VSNL1: variants seen among roughly 807,000 people sequenced by gnomAD.
The protein encoded by VSNL1 is visinin-like protein 1.
In VSNL1, 6 loss-of-function variants were observed where a neutral mutation model predicts 20.4. The observed-to-expected ratio is 0.29, with a 90% confidence interval of 0.16 to 0.58. The LOEUF (loss-of-function observed/expected upper bound fraction) is 0.58, where lower values mean the gene tolerates loss of function less well. Among genes scored for constraint, VSNL1 ranks in the 20% least tolerant of loss-of-function variants. The pLI is 0.90. For synonymous variants in VSNL1, 93 were observed against 86.4 expected (o/e 1.08, Z -0.42); for missense variants, 100 against 234.5 (o/e 0.43, Z 3.75).
intron 2 of VSNL1, among the ~76,000 whole-genome samples, chr2:17,646,891 A>T (rs1666010389): frequency 6.6e-6 from 1 of 152,186 alleles, no homozygotes; most frequent in Admixed American, 6.5e-5. Flanking sequence ...CTCTGTGATG[A>T]TCCATCTAGA....
At chr2:17,654,072 T>A (rs1166673381) in intron 3 of VSNL1, among the ~76,000 whole-genome samples, 2 of 152,222 alleles carry the variant, frequency 1.3e-5, no homozygotes, top group African/African-American at 4.8e-5. Flanking sequence ...TAGTATATAT[T>A]TTTTTACCGT....
At chr2:17,647,707 T>C (rs535936578) in intron 2 of VSNL1, among the ~76,000 whole-genome samples, 40 of 152,292 alleles carry the variant, frequency 2.6e-4, no homozygotes, top group South Asian at 6.2e-4. Context: ...GCTCATTTAC[T>C]GAGCTTTAGT....
intron 1 of VSNL1, among the ~76,000 whole-genome samples, chr2:17,569,074 G>A (rs1387128659): frequency 6.6e-6 from 1 of 152,084 alleles, no homozygotes. Flanking sequence ...TTGGGAGGCC[G>A]AAATGGGCAG....
chr2:17,547,571 C>T (rs923033502), intron 1 of VSNL1, among the ~76,000 whole-genome samples: 3 of 151,998 alleles, frequency 2.0e-5, no homozygotes, highest in African/African-American at 4.8e-5. Context: ...GAATTTATGC[C>T]TAATGGAGAA....
intron 1 of VSNL1, among the ~76,000 whole-genome samples, chr2:17,585,884 C>T (rs1664462339): frequency 1.3e-5 from 2 of 151,490 alleles, no homozygotes; most frequent in Non-Finnish European, 2.9e-5. Flanking sequence ...TGGCTCACTG[C>T]AACCTTCTCC....
At chr2:17,572,903 T>A (rs1382771063) in intron 1 of VSNL1, among the ~76,000 whole-genome samples, 1 of 152,248 alleles carries the variant, frequency 6.6e-6, no homozygotes, top group African/African-American at 2.4e-5. Context: ...GTCTTCTCTG[T>A]CCTTCCATAA....
intron 2 of VSNL1, among the ~76,000 whole-genome samples, chr2:17,613,146 C>T (rs1197390934): frequency 1.3e-5 from 2 of 152,110 alleles, no homozygotes; most frequent in African/African-American, 2.4e-5. Context: ...GCATCTTGCC[C>T]CACAATTCAT....
intron 1 of VSNL1, among the ~76,000 whole-genome samples, chr2:17,559,022 C>T (rs1217661045): frequency 6.6e-6 from 1 of 151,940 alleles, no homozygotes; most frequent in African/African-American, 2.4e-5. Context: ...TCTCAGGGAC[C>T]CAGACTCCTT....
At chr2:17,650,066 G>C (rs1558312633) in intron 3 of VSNL1, among the ~76,000 whole-genome samples, 2 of 152,148 alleles carry the variant, frequency 1.3e-5, no homozygotes, top group Non-Finnish European at 2.9e-5. Flanking sequence ...GAGTAACCCA[G>C]GATTCCTCTG....
intron 1 of VSNL1, among the ~76,000 whole-genome samples, chr2:17,555,622 G>A (rs1332017920): frequency 6.6e-6 from 1 of 152,092 alleles, no homozygotes; most frequent in African/African-American, 2.4e-5. Flanking sequence ...AGGGAACATT[G>A]TTAGGTGCTT....
At chr2:17,629,298 C>T (rs562052607) in intron 2 of VSNL1, among the ~76,000 whole-genome samples, 53 of 152,308 alleles carry the variant, frequency 3.5e-4, no homozygotes, top group African/African-American at 1.3e-3. Flanking sequence ...ATGCCCCTTC[C>T]GTGTTACGTA....
chr2:17,541,607 A>T (rs955326020), intron 1 of VSNL1: 1 of 152,158 alleles, frequency 6.6e-6, no homozygotes, highest in Non-Finnish European at 1.5e-5. Context: ...GGACTGTCAG[A>T]CCCAAACTAG....
intron 1 of VSNL1, among the ~76,000 whole-genome samples, chr2:17,557,969 A>G (rs1250319856): frequency 6.6e-6 from 1 of 152,198 alleles, no homozygotes; most frequent in South Asian, 2.1e-4. Flanking sequence ...AAGTCCATGA[A>G]AGAAGCAGAG....
chr2:17,647,097 C>A (rs1666015264), intron 2 of VSNL1, among the ~76,000 whole-genome samples: 1 of 152,154 alleles, frequency 6.6e-6, no homozygotes, highest in Non-Finnish European at 1.5e-5. Flanking sequence ...ACACATGTAA[C>A]TTTTATAGCT....
chr2:17,597,983 T>C (rs1664746350), intron 2 of VSNL1, among the ~76,000 whole-genome samples: 2 of 152,252 alleles, frequency 1.3e-5, no homozygotes, highest in Non-Finnish European at 1.5e-5. Flanking sequence ...CAAAATTTTG[T>C]TGATACAACT....
At chr2:17,635,384 G>C (rs1388129505) in intron 2 of VSNL1, among the ~76,000 whole-genome samples, 2 of 152,214 alleles carry the variant, frequency 1.3e-5, no homozygotes, top group African/African-American at 2.4e-5. Flanking sequence ...CTAAATCTCT[G>C]CTGAGGGGAC....
At chr2:17,564,488 C>T (rs576890967) in intron 1 of VSNL1, among the ~76,000 whole-genome samples, 1 of 152,280 alleles carries the variant, frequency 6.6e-6, no homozygotes, top group African/African-American at 2.4e-5. Context: ...ACAGCAGCAA[C>T]TACAAATGAT....
At chr2:17,562,123 G>C (rs1386239860) in intron 1 of VSNL1, among the ~76,000 whole-genome samples, 1 of 152,112 alleles carries the variant, frequency 6.6e-6, no homozygotes, top group Non-Finnish European at 1.5e-5. Flanking sequence ...CTAAGACTTA[G>C]TAATGCCAAC....
At chr2:17,582,990 C>G (rs1463665094) in intron 1 of VSNL1, among the ~76,000 whole-genome samples, 1 of 152,044 alleles carries the variant, frequency 6.6e-6, no homozygotes, top group African/African-American at 2.4e-5. Flanking sequence ...CACCTTCATA[C>G]GAGAATTTCA....
Sources: gnomAD v4.1 joint callset for allele counts (sites outside exome capture counted in the v4.1 genomes callset) on GRCh38, gnomAD v4.1.1 for gene constraint, MANE v1.5 for transcripts, NCBI Gene and HGNC (gene_info 2026-07-23, HGNC 2026-07-21) for gene names.